The following LRRC1 variants were observed in gnomAD, a reference collection of about 807,000 sequenced individuals.
LRRC1 encodes leucine-rich repeat-containing protein 1.
In LRRC1, 28 loss-of-function variants were observed where a neutral mutation model predicts 69.9. That is an observed-to-expected ratio of 0.40 (90% CI 0.30 to 0.55). The LOEUF (loss-of-function observed/expected upper bound fraction) is 0.55. Among genes scored for constraint, LRRC1 ranks in the 20% least tolerant of loss-of-function variants. The pLI, the probability that LRRC1 is intolerant of heterozygous loss-of-function variation, is 0.47. For missense variants in LRRC1, 498 were observed against 609.0 expected, an observed-to-expected ratio of 0.82 and a Z score of 1.92; for synonymous variants, 236 against 240.2, an observed-to-expected ratio of 0.98 and a Z score of 0.16.
In LRRC1 at chr6:53,802,908, C is replaced by G. The variant is rs1764527660; in HGVS notation, c.159+7493C>G. 1.3e-5 allele frequency among the ~76,000 whole-genome samples: 2 copies of G among 152,082 alleles called. 1 individual carries two copies. Among genetic ancestry groups the G allele is most frequent in the South Asian group, 4.2e-4 (2 of 4,810 alleles). ...AGCTCAAGTCCTTGAGAAAAACAAA[C>G]CATTTGCTTAATGAAACTTTGTGAG... On this transcript the variant is annotated intron_variant, in intron 1 of 13. Coordinates refer to ENST00000370888, the MANE Select transcript of LRRC1 (RefSeq NM_018214.5).
intron 2 of LRRC1, 29 bp from the exon 3 acceptor site, chr6:53,878,964 A>G: frequency 6.9e-7 from 1 of 1,457,294 alleles, no homozygotes. Flanking sequence ...AATGGTGGCA[A>G]ATTATAGACA....
chr6:53,914,084 T>C, intron 11 of LRRC1, 115 bp downstream of exon 11: 1 of 687,444 alleles, frequency 1.5e-6, no homozygotes. Context: ...ATAATCCTGA[T>C]TTTTCAAATG....
intron 4 of LRRC1, among the ~76,000 whole-genome samples, chr6:53,884,840 A>G (rs532287908): frequency 6.6e-6 from 1 of 152,284 alleles, no homozygotes; most frequent in East Asian, 1.9e-4. Flanking sequence ...AATGTTCATT[A>G]TTATATATTT....
intron 6 of LRRC1, 113 bp from the exon 7 acceptor site, chr6:53,897,172 G>C: frequency 1.4e-6 from 1 of 708,202 alleles, no homozygotes; most frequent in Non-Finnish European, 2.4e-6. Context: ...AAGTACCAGT[G>C]AACATCTGCT....
intron 1 of LRRC1, among the ~76,000 whole-genome samples, chr6:53,802,790 G>C (rs1008840531): frequency 6.6e-5 from 10 of 152,184 alleles, no homozygotes; most frequent in African/African-American, 2.4e-4. Context: ...ACAGGTGCTG[G>C]AGTAGAGGAT....
intron 1 of LRRC1, among the ~76,000 whole-genome samples, chr6:53,795,708 CA>C (rs1381449839): frequency 6.6e-6 from 1 of 152,220 alleles, no homozygotes; most frequent in African/African-American, 2.4e-5. Flanking sequence ...TAGGTACTGA[CA>C]CCTGGCACTT....
At chr6:53,832,660 G>T (rs1260446894) in intron 1 of LRRC1, among the ~76,000 whole-genome samples, 1 of 152,016 alleles carries the variant, frequency 6.6e-6, no homozygotes, top group Non-Finnish European at 1.5e-5. Flanking sequence ...AGTTTTACTT[G>T]ATGATACATT....
chr6:53,896,823 A>C lies in LRRC1; in HGVS notation c.504-6A>C. On this transcript the variant is annotated splice_region_variant and splice_polypyrimidine_tract_variant and intron_variant, in intron 5 of 13. Coordinates refer to ENST00000370888, the MANE Select transcript of LRRC1 (RefSeq NM_018214.5). ...CTAAGTGCTCTTTATTTATTTTTTAAAATAGCTCTCTTACCCAGCTGCGAA... is the reference window on the plus strand; with the variant it reads ...CTAAGTGCTCTTTATTTATTTTTTACAATAGCTCTCTTACCCAGCTGCGAA... 6.3e-7 allele frequency: 1 copy of C among 1,580,126 alleles called. No individual in the cohort carries two copies. The highest frequency in any genetic ancestry group is 1.4e-5 in the African/African-American group (1 of 74,040).
At chr6:53,880,123 G>A (rs1767237633) in intron 3 of LRRC1, among the ~76,000 whole-genome samples, 1 of 152,130 alleles carries the variant, frequency 6.6e-6, no homozygotes, top group Non-Finnish European at 1.5e-5. Flanking sequence ...GGGACTTCTT[G>A]GGTATGGAGT....
intron 2 of LRRC1, among the ~76,000 whole-genome samples, chr6:53,872,724 A>G (rs1196902374): frequency 6.9e-6 from 1 of 144,892 alleles, no homozygotes; most frequent in African/African-American, 2.6e-5. Context: ...TTTGGGTAGT[A>G]TAGACACTTT....
intron 4 of LRRC1, among the ~76,000 whole-genome samples, chr6:53,895,283 G>A (rs1426147211): frequency 6.6e-6 from 1 of 152,150 alleles, no homozygotes; most frequent in Non-Finnish European, 1.5e-5. Flanking sequence ...AAATTATTTG[G>A]TTTTGTAAAA....
chr6:53,864,244 G>A (rs547572695), intron 2 of LRRC1, among the ~76,000 whole-genome samples: 2 of 152,096 alleles, frequency 1.3e-5, no homozygotes, highest in Non-Finnish European at 2.9e-5. Flanking sequence ...ACAGAAGCCT[G>A]TGTCTTGTTC....
chr6:53,889,818 C>T (rs1325041352), intron 4 of LRRC1, among the ~76,000 whole-genome samples: 1 of 152,114 alleles, frequency 6.6e-6, no homozygotes, highest in African/African-American at 2.4e-5. Context: ...AAAGAATGGA[C>T]CTTAGGCAAA....
At chr6:53,910,203 A>G (rs1768365698) in intron 10 of LRRC1, among the ~76,000 whole-genome samples, 1 of 152,180 alleles carries the variant, frequency 6.6e-6, no homozygotes, top group African/African-American at 2.4e-5. Flanking sequence ...TTCTCAGAGA[A>G]TCCAAGTCCA....
chr6:53,877,862 C>T (rs779268254), intron 2 of LRRC1, among the ~76,000 whole-genome samples: 3 of 152,160 alleles, frequency 2.0e-5, no homozygotes, highest in African/African-American at 7.2e-5. Context: ...GCCTGTGAAC[C>T]GGTTCCAAAG....
At chr6:53,813,901 T>C (rs903108801) in intron 1 of LRRC1, among the ~76,000 whole-genome samples, 1 of 152,188 alleles carries the variant, frequency 6.6e-6, no homozygotes, top group Admixed American at 6.5e-5. Flanking sequence ...TAATAGGTAA[T>C]GATGGTAATC....
chr6:53,899,782 T>C lies in LRRC1; in HGVS notation c.678T>C (p.Asp226=). ...ATCTGAAGAACCTGCTGTGTTTAGA[T>C]GTCTCTGAAAACAGGTTGGAAAGAC... ...IGNLKNLLCL[D]VSENRLERLP... is the part of the protein sequence containing the mutation. The change falls in exon 8 of 14, where the codon GAT becomes GAC. Residue 226 remains aspartate (D), a synonymous_variant. Coordinates refer to ENST00000370888, the MANE Select transcript of LRRC1 (RefSeq NM_018214.5). 6.2e-7 allele frequency: 1 copy of C among 1,614,144 alleles called. No homozygotes were observed. The highest frequency in any genetic ancestry group is 8.5e-7 in the Non-Finnish European group (1 of 1,179,976).
intron 1 of LRRC1, among the ~76,000 whole-genome samples, chr6:53,833,539 A>G (rs745831375): frequency 1.3e-5 from 2 of 152,234 alleles, no homozygotes; most frequent in African/African-American, 2.4e-5. Flanking sequence ...CATCTTTATT[A>G]TAAATGCTCA....
intron 2 of LRRC1, among the ~76,000 whole-genome samples, chr6:53,849,897 C>A (rs909981994): frequency 6.6e-6 from 1 of 152,038 alleles, no homozygotes; most frequent in African/African-American, 2.4e-5. Context: ...CTTGAGTTTA[C>A]AATGAGCTAT....
Sources: gnomAD v4.1 joint callset for allele counts (sites outside exome capture counted in the v4.1 genomes callset) on GRCh38, gnomAD v4.1.1 for gene constraint, MANE v1.5 for transcripts, NCBI Gene and HGNC (gene_info 2026-07-23, HGNC 2026-07-21) for gene names.